NKAIN2: variants seen among roughly 807,000 people sequenced by gnomAD.
The protein encoded by NKAIN2 is sodium/potassium transporting ATPase interacting 2, also known as sodium/potassium-transporting ATPase subunit beta-1-interacting protein 2.
NKAIN2 carries 14 observed loss-of-function variants against 32.6 expected under a neutral mutation model. The ratio of observed to expected loss-of-function variants is 0.43; its 90% CI spans 0.28 to 0.67. NKAIN2 has a LOEUF of 0.67. NKAIN2 is among the 30% of genes least tolerant of loss of function. The pLI is 0.17. For synonymous variants in NKAIN2, 80 were observed against 87.2 expected, an observed-to-expected ratio of 0.92 and a Z score of 0.46; for missense variants, 198 against 258.3, an observed-to-expected ratio of 0.77 and a Z score of 1.60.
At chr6:124,708,460 C>G (rs1039962361) in intron 4 of NKAIN2, among the ~76,000 whole-genome samples, 22 of 152,228 alleles carry the variant, frequency 1.4e-4, no homozygotes, top group African/African-American at 5.3e-4. Context: ...GATATTGATT[C>G]TTCCTACCCA....
intron 3 of NKAIN2, among the ~76,000 whole-genome samples, chr6:124,387,795 ATC>A (rs1772974222): frequency 6.6e-6 from 1 of 152,092 alleles, no homozygotes; most frequent in Admixed American, 6.6e-5. Context: ...TGCCTTGTAT[ATC>A]TCTGCATCTG....
rs1181126559 is a variant in NKAIN2, at chr6:123,877,615, C to A, written c.54+73361C>A. Among the ~76,000 whole-genome samples, 4 of 152,148 alleles carry A rather than the reference C, an allele frequency of 2.6e-5. No individual in the cohort carries two copies. In the East Asian group the frequency reaches 7.7e-4, roughly 29 times the overall value. ...ATGTGCTAAGTGGTGACTGAATGCC[C>A]TGTAGACAGAAGTCTGTATTTGTAT... On this transcript the variant is annotated intron_variant, in intron 1 of 6. Coordinates refer to ENST00000368417, the MANE Select transcript of NKAIN2 (RefSeq NM_001040214.3).
intron 5 of NKAIN2, among the ~76,000 whole-genome samples, chr6:124,802,603 C>T (rs1365028342): frequency 3.3e-5 from 5 of 152,156 alleles, no homozygotes; most frequent in Non-Finnish European, 5.9e-5. Flanking sequence ...AGTTTCTCCA[C>T]CCTGTTAGTT....
chr6:123,959,714 T>C (rs1268044682), intron 1 of NKAIN2, among the ~76,000 whole-genome samples: 1 of 152,072 alleles, frequency 6.6e-6, no homozygotes, highest in African/African-American at 2.4e-5. Flanking sequence ...AGGTTTCAAA[T>C]GACTACAGTG....
intron 4 of NKAIN2, among the ~76,000 whole-genome samples, chr6:124,781,489 T>C (rs1007433973): frequency 3.3e-5 from 5 of 151,990 alleles, no homozygotes; most frequent in African/African-American, 1.2e-4. Flanking sequence ...ATGTGAGGGG[T>C]TGGTTAGATG....
At chr6:124,786,120 ACTGGGGCTTTTAAAAAAT>A (rs1228855947) in intron 4 of NKAIN2, among the ~76,000 whole-genome samples, 1 of 151,996 alleles carries the variant, frequency 6.6e-6, no homozygotes, top group African/African-American at 2.4e-5. Flanking sequence ...GCAAGGGTTT[ACTGGGGCTTTTAAAAAAT>A]CTGTACCTGT....
At chr6:123,935,003 A>G (rs1219264109) in intron 1 of NKAIN2, among the ~76,000 whole-genome samples, 1 of 149,364 alleles carries the variant, frequency 6.7e-6, no homozygotes, top group Admixed American at 6.7e-5. Flanking sequence ...TCAGACTGAC[A>G]TCTGTAAACT....
chr6:124,625,950 A>G (rs899963422), intron 3 of NKAIN2, among the ~76,000 whole-genome samples: 16 of 151,224 alleles, frequency 1.1e-4, no homozygotes, highest in Non-Finnish European at 2.1e-4. Flanking sequence ...TAAAAATTTT[A>G]TTATTATTAT....
chr6:124,578,984 C>T (rs1257000523), intron 3 of NKAIN2, among the ~76,000 whole-genome samples: 1 of 152,184 alleles, frequency 6.6e-6, no homozygotes, highest in Non-Finnish European at 1.5e-5. Context: ...TTAACTAAGA[C>T]CATCAGGGCA....
intron 1 of NKAIN2, among the ~76,000 whole-genome samples, chr6:123,916,746 G>A (rs1775514761): frequency 6.6e-6 from 1 of 152,082 alleles, no homozygotes; most frequent in East Asian, 1.9e-4. Flanking sequence ...GTGTGTGTGT[G>A]TGTGTATCTC....
At chr6:124,342,989 AC>A (rs1176731679) in intron 2 of NKAIN2, among the ~76,000 whole-genome samples, 1 of 62,048 alleles carries the variant, frequency 1.6e-5, no homozygotes, top group African/African-American at 6.7e-5. Flanking sequence ...CCCTCCCCCC[AC>A]CCCACAACAG....
chr6:124,123,047 G>A (rs1194532402), intron 1 of NKAIN2, among the ~76,000 whole-genome samples: 1 of 151,936 alleles, frequency 6.6e-6, no homozygotes, highest in African/African-American at 2.4e-5. Flanking sequence ...TGTGATAAGT[G>A]TTAGGCATCA....
intron 3 of NKAIN2, among the ~76,000 whole-genome samples, chr6:124,602,797 C>G (rs1782359419): frequency 6.6e-6 from 1 of 151,946 alleles, no homozygotes; most frequent in Non-Finnish European, 1.5e-5. Context: ...CACCCACATT[C>G]TGGAATGTAG....
At chr6:124,793,276 C>T (rs1779828781) in intron 5 of NKAIN2, among the ~76,000 whole-genome samples, 1 of 152,088 alleles carries the variant, frequency 6.6e-6, no homozygotes, top group Non-Finnish European at 1.5e-5. Flanking sequence ...TCAGTTTGCA[C>T]AGGTTGAGTT....
At chr6:124,702,476 C>T (rs538307800) in intron 4 of NKAIN2, among the ~76,000 whole-genome samples, 5 of 152,008 alleles carry the variant, frequency 3.3e-5, no homozygotes, top group East Asian at 1.9e-4. Flanking sequence ...CTTGCCAACA[C>T]GGTTTTCATT....
At chr6:123,962,011 T>A (rs1002078355) in intron 1 of NKAIN2, among the ~76,000 whole-genome samples, 1 of 152,206 alleles carries the variant, frequency 6.6e-6, no homozygotes, top group Non-Finnish European at 1.5e-5. Context: ...GTTTAGATGT[T>A]CATCTTGTTA....
At chr6:124,261,898 A>G (rs1055983522) in intron 1 of NKAIN2, among the ~76,000 whole-genome samples, 5 of 151,818 alleles carry the variant, frequency 3.3e-5, no homozygotes, top group Non-Finnish European at 7.4e-5. Context: ...AAATGGGGAC[A>G]GCCTTAATAT....
intron 4 of NKAIN2, among the ~76,000 whole-genome samples, chr6:124,699,253 C>T (rs1774648769): frequency 6.6e-6 from 1 of 152,104 alleles, no homozygotes; most frequent in African/African-American, 2.4e-5. Flanking sequence ...TGATGCTAGC[C>T]ATTGTTGAAG....
At chr6:124,104,766 G>T (rs1242229554) in intron 1 of NKAIN2, among the ~76,000 whole-genome samples, 1 of 152,190 alleles carries the variant, frequency 6.6e-6, no homozygotes, top group African/African-American at 2.4e-5. Flanking sequence ...TCTCTACTCA[G>T]TTCTATAGTT....
Sources: gnomAD v4.1 joint callset for allele counts (sites outside exome capture counted in the v4.1 genomes callset) on GRCh38, gnomAD v4.1.1 for gene constraint, MANE v1.5 for transcripts, NCBI Gene and HGNC (gene_info 2026-07-23, HGNC 2026-07-21) for gene names.